Variants in TRIM66 observed in about 807,000 individuals in gnomAD.
TRIM66 encodes tripartite motif containing 66.
TRIM66 carries 99 observed loss-of-function variants against 148.2 expected under a neutral mutation model. That is an observed-to-expected ratio of 0.67 (90% CI 0.57 to 0.79). The LOEUF (loss-of-function observed/expected upper bound fraction) is 0.79, where lower values mean the gene tolerates loss of function less well. Ranked by LOEUF, TRIM66 falls within the 30% of genes least tolerant of loss-of-function variation. The pLI is 0.00. For synonymous variants in TRIM66, 616 were observed against 635.9 expected, an observed-to-expected ratio of 0.97 and a Z score of 0.47; for missense variants, 1,666 against 1,697.9, an observed-to-expected ratio of 0.98 and a Z score of 0.33.
chr11:8,625,463 TTGTGTGTG>T (rs147088164), intron 15 of TRIM66, among the ~76,000 whole-genome samples: 168 of 148,192 alleles, frequency 1.1e-3, no homozygotes, highest in Middle Eastern at 3.4e-3. Context: ...CGGAGAACTA[TTGTGTGTG>T]TGTGTGTGTG....
In TRIM66 at chr11:8,625,212, C is replaced by G; in HGVS notation, c.2327G>C (p.Ser776Thr). The G allele has an allele frequency of 1.3e-6, 2 of 1,507,666 alleles. No homozygotes were observed. Among genetic ancestry groups the G allele is most frequent in the Non-Finnish European group, 1.8e-6 (2 of 1,122,412 alleles). 93.4% of individuals were successfully genotyped at this position (1,507,666 alleles called of 1,614,324 possible). A position where few individuals can be genotyped will look rare whatever the true frequency, so the allele number is the denominator to read the frequency against. ...NVVRKHSTSL[S>T]IMGFSNTLEM... ...CAGAGTGTTGGAAAAGCCCATGATG[C>G]TCAGCGAGGTGGAGTGCTGCAGGAA... Residue 776 changes from serine (S) to threonine (T), a missense_variant, in exon 16 of 25, where the codon AGC (serine) becomes ACC (threonine). By Grantham distance (58) the Ser-to-Thr change is moderately conservative (BLOSUM62 1). Transcript: ENST00000646038.
At chr11:8,670,359 A>C (rs1265979290) in intron 6 of TRIM66, among the ~76,000 whole-genome samples, 1 of 152,002 alleles carries the variant, frequency 6.6e-6, no homozygotes, top group Non-Finnish European at 1.5e-5. Context: ...CTCCACCCTC[A>C]AGCAGGTCCC....
Position 8,612,333 on chromosome 11 carries a change from T to G in TRIM66, c.*5611A>C, listed in dbSNP as rs1416824002. ...GCCCTGGTCTGGACTCCCCCAGCTG[T>G]GTCCCACCCCTGGAATTCCCCTGTT... is the stretch of plus-strand genomic sequence containing the variant. On this transcript the variant is annotated 3_prime_UTR_variant, in exon 25 of 25. Transcript: ENST00000646038. 3.3e-5 allele frequency: 5 copies of G among 152,224 alleles called. No individual in the cohort carries two copies. The highest frequency in any genetic ancestry group is 6.5e-5 in the Admixed American group (1 of 15,270). 9.4% of individuals were successfully genotyped at this position (152,224 alleles called of 1,614,324 possible). A position where few individuals can be genotyped will look rare whatever the true frequency, so the allele number is the denominator to read the frequency against.
chr11:8,620,744 T>A (rs2034128445), intron 20 of TRIM66, among the ~76,000 whole-genome samples, 172 bp from the exon 21 acceptor site: 1 of 152,164 alleles, frequency 6.6e-6, no homozygotes, highest in Non-Finnish European at 1.5e-5. Flanking sequence ...ATTTTGTGAA[T>A]CTAGAAAAAC....
chr11:8,619,209 G>T, intron 23 of TRIM66, 174 bp downstream of exon 23: 1 of 818,814 alleles, frequency 1.2e-6, no homozygotes, highest in Non-Finnish European at 1.9e-6. Flanking sequence ...CTGAGTCCAT[G>T]CTAAGGCCTG....
intron 1 of TRIM66, 127 bp downstream of exon 1, chr11:8,682,474 C>G (rs2039486452): frequency 2.4e-6 from 1 of 420,986 alleles, no homozygotes; most frequent in Admixed American, 4.3e-5. Context: ...TCGGCTTAGG[C>G]GGTTCCCTGA....
At chr11:8,650,250 G>A (rs1195271522) in intron 7 of TRIM66, among the ~76,000 whole-genome samples, 5 of 152,134 alleles carry the variant, frequency 3.3e-5, no homozygotes, top group Non-Finnish European at 7.4e-5. Context: ...GCACATGCCT[G>A]TAGTCCCAGC....
In TRIM66 at chr11:8,649,733, T is replaced by C. The variant is rs772241813; in HGVS notation, c.592+7A>G. On this transcript the variant is annotated splice_region_variant and intron_variant, in intron 8 of 24. Coordinates refer to ENST00000646038, the MANE Select transcript of TRIM66 (RefSeq NM_001388022.1). Reference sequence around the variant, plus strand: ...TGGGAGTGGGCAGGGAGAGGTGGGATTGGTACCTGGAGATCCCTTCTGGGC... The same window carrying C: ...TGGGAGTGGGCAGGGAGAGGTGGGACTGGTACCTGGAGATCCCTTCTGGGC... The C allele has an allele frequency of 1.4e-5, 22 of 1,550,654 alleles. No individual in the cohort carries two copies. The African/African-American group carries it at 1.9e-4, about 14-fold the overall frequency.
At chr11:8,652,783 G>A (rs1592146439) in intron 6 of TRIM66, among the ~76,000 whole-genome samples, 1 of 152,246 alleles carries the variant, frequency 6.6e-6, no homozygotes, top group South Asian at 2.1e-4. Context: ...GGCTATGGCA[G>A]TGAATGCAGC....
In TRIM66 at chr11:8,616,280, CAAT is replaced by C. The variant is rs2033714797; in HGVS notation, c.*1661_*1663del. 6.6e-6 allele frequency: 1 copy of C among 152,206 alleles called. No individual in the cohort carries two copies. The highest frequency in any genetic ancestry group is 1.5e-5 in the Non-Finnish European group (1 of 68,028). 9.4% of individuals were successfully genotyped at this position (152,206 alleles called of 1,614,324 possible). A position where few individuals can be genotyped will look rare whatever the true frequency, so the allele number is the denominator to read the frequency against. ...CAGGTTGGGTAGAGAAGGAAATGAG[CAAT>C]ACCATCAACTCACAAAGAGAGAAGA... On this transcript the variant is annotated 3_prime_UTR_variant, in exon 25 of 25. Transcript: ENST00000646038.
Position 8,622,359 on chromosome 11 carries a change from CACACACAT to C in TRIM66, c.3080+449_3080+456del, listed in dbSNP as rs1391506158. On this transcript the variant is annotated intron_variant, in intron 18 of 24. Transcript: ENST00000646038. ...CACACAACACACACACACACACACA[CACACACAT>C]ATATATATATATATATCTCCTACTT... Among the ~76,000 whole-genome samples, 53 of 46,902 alleles carry C rather than the reference CACACACAT, an allele frequency of 1.1e-3. 3 individuals are homozygous for C. The highest frequency in any genetic ancestry group is 0.01 in the South Asian group (16 of 1,598). 30.8% of individuals were successfully genotyped at this position (46,902 alleles called of 152,430 possible).
intron 6 of TRIM66, among the ~76,000 whole-genome samples, chr11:8,654,956 G>A (rs2037688782): frequency 6.6e-6 from 1 of 152,132 alleles, no homozygotes; most frequent in Admixed American, 6.5e-5. Context: ...CGCCTCCTGG[G>A]TTCAAGCAAT....
intron 6 of TRIM66, among the ~76,000 whole-genome samples, chr11:8,656,565 T>C (rs866026553): frequency 6.6e-6 from 1 of 152,208 alleles, no homozygotes; most frequent in African/African-American, 2.4e-5. Flanking sequence ...ATTTAGTCCA[T>C]CTGTCACAAG....
intron 18 of TRIM66, 27 bp downstream of exon 18, chr11:8,622,789 G>A: frequency 6.5e-7 from 1 of 1,547,344 alleles, no homozygotes; most frequent in Non-Finnish European, 8.7e-7. Flanking sequence ...TCATGGGTGG[G>A]AGGGAGATTA....
chr11:8,672,618 T>C (rs1189267176), intron 4 of TRIM66, among the ~76,000 whole-genome samples: 2 of 104,326 alleles, frequency 1.9e-5, no homozygotes, highest in Non-Finnish European at 3.7e-5. Flanking sequence ...GACTCCAGTC[T>C]CTTTTTTTTT....
chr11:8,672,334 C>T lies in TRIM66; in HGVS notation c.-60G>A, dbSNP rs1178168936. The T allele has an allele frequency of 2.0e-6, 3 of 1,535,682 alleles. No individual in the cohort carries two copies. The highest frequency in any genetic ancestry group is 3.9e-5 in the Admixed American group (2 of 50,912). Reference sequence around the variant, plus strand: ...CTGTTTGTCTGAAGGCGAACAAACCCTTCAAAAGTGTCCCGTACCTGTGCC... The same window carrying T: ...CTGTTTGTCTGAAGGCGAACAAACCTTTCAAAAGTGTCCCGTACCTGTGCC... On this transcript the variant is annotated 5_prime_UTR_variant, in exon 5 of 25. Coordinates refer to ENST00000646038, the MANE Select transcript of TRIM66 (RefSeq NM_001388022.1).
rs902921412 is a variant in TRIM66 at position 8,672,325 on chromosome 11, G to A, written c.-51C>T. 3.4e-5 allele frequency: 52 copies of A among 1,535,792 alleles called. No homozygotes were observed. The highest frequency in any genetic ancestry group is 1.6e-4 in the African/African-American group (12 of 72,998). ...AGGTGTCTGCTGTTTGTCTGAAGGCGAACAAACCCTTCAAAAGTGTCCCGT... is the reference window on the plus strand; with the variant it reads ...AGGTGTCTGCTGTTTGTCTGAAGGCAAACAAACCCTTCAAAAGTGTCCCGT... On this transcript the variant is annotated 5_prime_UTR_variant, in exon 5 of 25. Coordinates refer to ENST00000646038, the MANE Select transcript of TRIM66 (RefSeq NM_001388022.1).
chr11:8,678,920 T>G (rs2039301602), intron 3 of TRIM66, among the ~76,000 whole-genome samples: 1 of 152,196 alleles, frequency 6.6e-6, no homozygotes, highest in African/African-American at 2.4e-5. Context: ...ATCAGCACAC[T>G]TGCCTGCCTC....
At chr11:8,669,980 G>A (rs1005696748) in intron 6 of TRIM66, among the ~76,000 whole-genome samples, 5 of 151,668 alleles carry the variant, frequency 3.3e-5, no homozygotes, top group African/African-American at 4.8e-5. Flanking sequence ...AGTACCTGAT[G>A]GGTAGTTTTT....
Sources: allele counts gnomAD v4.1 joint callset (sites outside exome capture counted in the v4.1 genomes callset), GRCh38; gene constraint gnomAD v4.1.1; transcripts MANE v1.5; gene names NCBI Gene and HGNC (gene_info 2026-07-23, HGNC 2026-07-21).